The following PTPRN2 variants were observed in gnomAD, a reference collection of about 807,000 sequenced individuals.
PTPRN2 encodes receptor-type tyrosine-protein phosphatase N2.
Under a neutral mutation model 118.8 loss-of-function variants are expected in PTPRN2, and 74 were observed. The observed-to-expected ratio is 0.62, with a 90% CI of 0.52 to 0.76. The LOEUF (loss-of-function observed/expected upper bound fraction) is 0.76, where lower values mean the gene tolerates loss of function less well. Ranked by LOEUF, PTPRN2 falls within the 30% of genes least tolerant of loss-of-function variation. The probability of loss-of-function intolerance (pLI) is 0.00; values close to 1 mark genes in which losing one functional copy is unlikely to be tolerated. For synonymous variants in PTPRN2, 641 were observed against 608.0 expected (o/e 1.05, Z -0.80); for missense variants, 1,481 against 1,394.4 (o/e 1.06, Z -0.99).
At chr7:157,877,522 G>A (rs999666025) in intron 12 of PTPRN2, among the ~76,000 whole-genome samples, 1 of 152,062 alleles carries the variant, frequency 6.6e-6, no homozygotes. Flanking sequence ...GCCATGGTCA[G>A]GGTTTCCTCG....
At chr7:158,321,001 G>A (rs1802966075) in intron 2 of PTPRN2, among the ~76,000 whole-genome samples, 1 of 152,220 alleles carries the variant, frequency 6.6e-6, no homozygotes, top group Non-Finnish European at 1.5e-5. Context: ...CGGGTCACTT[G>A]GCTAATAGGC....
At chr7:158,271,518 G>A (rs543023756) in intron 3 of PTPRN2, among the ~76,000 whole-genome samples, 1 of 152,338 alleles carries the variant, frequency 6.6e-6, no homozygotes, top group East Asian at 1.9e-4. Context: ...GCACGGGACG[G>A]GGGCAACACA....
intron 17 of PTPRN2, among the ~76,000 whole-genome samples, chr7:157,592,007 CTT>C (rs1801009778): frequency 6.6e-6 from 1 of 152,182 alleles, no homozygotes; most frequent in Admixed American, 6.5e-5. Context: ...GCCATGAGCT[CTT>C]GTCTTAGAAA....
In PTPRN2 at chr7:158,441,185, GGTGATA is replaced by G. The variant is rs1356703109; in HGVS notation, c.163+48544_163+48549del. On this transcript the variant is annotated intron_variant, in intron 2 of 22. Transcript: ENST00000389418. ...TGGTGATAGCAGTGGTGGCAGTGGT[GGTGATA>G]GTGATGGTGATGGTGGTGGTGGTGA... Among the ~76,000 whole-genome samples, 56 of 148,026 alleles carry G rather than the reference GGTGATA, an allele frequency of 3.8e-4. 1 individual carries two copies. Among genetic ancestry groups the G allele is most frequent in the South Asian group, 1.9e-3 (9 of 4,692 alleles).
intron 1 of PTPRN2, among the ~76,000 whole-genome samples, chr7:158,560,610 G>A (rs541939626): frequency 2.0e-5 from 3 of 152,370 alleles, no homozygotes; most frequent in Admixed American, 6.5e-5. Flanking sequence ...GTTCCTCACT[G>A]TGTCCCCAGG....
chr7:158,377,581 G>C (rs1810644630), intron 2 of PTPRN2, among the ~76,000 whole-genome samples: 1 of 152,182 alleles, frequency 6.6e-6, no homozygotes, highest in Non-Finnish European at 1.5e-5. Context: ...CGGCTTGGGG[G>C]TGGAAATGCA....
At chr7:158,454,280 T>C (rs1360509159) in intron 2 of PTPRN2, among the ~76,000 whole-genome samples, 1 of 150,608 alleles carries the variant, frequency 6.6e-6, no homozygotes, top group African/African-American at 2.5e-5. Flanking sequence ...TGGGGACAGT[T>C]GTTATGGAGG....
chr7:158,396,619 A>T (rs1313516026), intron 2 of PTPRN2, among the ~76,000 whole-genome samples: 1 of 151,884 alleles, frequency 6.6e-6, no homozygotes, highest in African/African-American at 2.4e-5. Flanking sequence ...TGAAGGGGGC[A>T]CTCAGGGAAC....
intron 11 of PTPRN2, among the ~76,000 whole-genome samples, chr7:157,998,807 T>A (rs4716874): frequency 7.0e-6 from 1 of 141,966 alleles, no homozygotes; most frequent in Non-Finnish European, 1.5e-5. Context: ...GGGTGACAGA[T>A]ACTCCATCTC....
chr7:157,710,883 A>G lies in PTPRN2; in HGVS notation c.1789-27946T>C, dbSNP rs562633218. Among the ~76,000 whole-genome samples the G allele has an allele frequency of 0.016, 35 of 2,186 alleles. 5 individuals are homozygous for G. The South Asian group carries it at 0.28, about 18-fold the overall frequency. The allele number at this position is 2,186 out of a possible 152,430, so 1.4% of individuals were successfully genotyped here. ...CCGGAGGTTCCGGGGCAGCCGGGTTACACGCGAGAGCCCCACGCGCCGGAG... is the reference window on the plus strand; with the variant it reads ...CCGGAGGTTCCGGGGCAGCCGGGTTGCACGCGAGAGCCCCACGCGCCGGAG... On this transcript the variant is annotated intron_variant, in intron 12 of 22. Coordinates refer to ENST00000389418, the MANE Select transcript of PTPRN2 (RefSeq NM_002847.5).
At chr7:158,144,148 T>C (rs1285122331) in intron 6 of PTPRN2, among the ~76,000 whole-genome samples, 1 of 152,194 alleles carries the variant, frequency 6.6e-6, no homozygotes. Flanking sequence ...ATAAAAATCA[T>C]GTGACTTCTC....
intron 2 of PTPRN2, among the ~76,000 whole-genome samples, chr7:158,434,170 A>G (rs1291763603): frequency 1.3e-5 from 2 of 152,202 alleles, no homozygotes; most frequent in Non-Finnish European, 2.9e-5. Context: ...CACAGGTTCT[A>G]TTTTGATAGT....
chr7:157,593,860 C>T (rs893291680), intron 17 of PTPRN2, among the ~76,000 whole-genome samples: 2 of 152,230 alleles, frequency 1.3e-5, no homozygotes, highest in Non-Finnish European at 2.9e-5. Context: ...CAAAACCATC[C>T]AAGTGCCACA....
At chr7:158,320,402 C>G (rs111420073) in intron 2 of PTPRN2, among the ~76,000 whole-genome samples, 31 of 151,940 alleles carry the variant, frequency 2.0e-4, no homozygotes, top group African/African-American at 7.2e-4. Flanking sequence ...CCAGCAGCTG[C>G]GATGGCACCC....
At chr7:158,050,988 G>A (rs544213394) in intron 11 of PTPRN2, among the ~76,000 whole-genome samples, 1 of 152,206 alleles carries the variant, frequency 6.6e-6, no homozygotes, top group Admixed American at 6.5e-5. Context: ...CCAGGGGCAC[G>A]CCATGGCGGT....
intron 12 of PTPRN2, among the ~76,000 whole-genome samples, chr7:157,841,604 G>A (rs1808425463): frequency 6.6e-6 from 1 of 152,216 alleles, no homozygotes; most frequent in African/African-American, 2.4e-5. Flanking sequence ...TGGGGTGCCT[G>A]CCTGGAAGGG....
chr7:157,659,662 C>T (rs1795797704), intron 13 of PTPRN2, among the ~76,000 whole-genome samples: 1 of 151,952 alleles, frequency 6.6e-6, no homozygotes, highest in African/African-American at 2.4e-5. Context: ...TAAAAAAATC[C>T]ACCCACGTTT....
At chr7:158,248,976 C>A (rs1003425471) in intron 3 of PTPRN2, among the ~76,000 whole-genome samples, 1 of 151,872 alleles carries the variant, frequency 6.6e-6, no homozygotes, top group African/African-American at 2.4e-5. Context: ...TACACGTGCA[C>A]ACCACACATA....
chr7:158,558,986 G>A (rs1827214987), intron 1 of PTPRN2, among the ~76,000 whole-genome samples: 2 of 152,172 alleles, frequency 1.3e-5, no homozygotes, highest in South Asian at 4.2e-4. Flanking sequence ...CAGGCAGCAG[G>A]GAGGGGCCAC....
Sources: gnomAD v4.1 joint callset for allele counts (sites outside exome capture counted in the v4.1 genomes callset) on GRCh38, gnomAD v4.1.1 for gene constraint, MANE v1.5 for transcripts, NCBI Gene and HGNC (gene_info 2026-07-23, HGNC 2026-07-21) for gene names.